The following PSD3 variants were observed in gnomAD, a reference collection of about 807,000 sequenced individuals.
PSD3 encodes the protein pleckstrin and Sec7 domain containing 3.
In PSD3, 49 loss-of-function variants were observed where a neutral mutation model predicts 105.5. That is an observed-to-expected ratio of 0.46 (90% CI 0.37 to 0.59). PSD3 has a LOEUF of 0.59. PSD3 is among the 20% of genes least tolerant of loss of function. The pLI is 0.00. For synonymous variants in PSD3, 557 were observed against 457.8 expected, an observed-to-expected ratio of 1.22 and a Z score of -2.77; for missense variants, 1,561 against 1,263.8, an observed-to-expected ratio of 1.24 and a Z score of -3.57.
At chr8:18,841,879 G>C (rs527851810) in intron 4 of PSD3, among the ~76,000 whole-genome samples, 3 of 152,102 alleles carry the variant, frequency 2.0e-5, no homozygotes, top group South Asian at 4.2e-4. Context: ...CTTCATTAAA[G>C]ACTTTAAAAA....
intron 10 of PSD3, among the ~76,000 whole-genome samples, chr8:18,635,443 A>G (rs1352172876): frequency 6.6e-6 from 1 of 152,174 alleles, no homozygotes; most frequent in Non-Finnish European, 1.5e-5. Context: ...ATTGTCTTGT[A>G]AAATTATAAT....
intron 2 of PSD3, among the ~76,000 whole-genome samples, chr8:18,892,591 G>C (rs993222927): frequency 6.7e-6 from 1 of 149,598 alleles, no homozygotes; most frequent in African/African-American, 2.5e-5. Flanking sequence ...AGTAGTCTGG[G>C]TATTTCCAGT....
intron 2 of PSD3, among the ~76,000 whole-genome samples, chr8:18,876,043 G>A (rs147231874): frequency 1.2e-4 from 18 of 152,240 alleles, no homozygotes; most frequent in Non-Finnish European, 2.2e-4. Context: ...AGGTTGTCAG[G>A]TGTACTCATG....
chr8:18,930,563 T>C (rs898030794), intron 2 of PSD3, among the ~76,000 whole-genome samples: 4 of 143,200 alleles, frequency 2.8e-5, no homozygotes, highest in East Asian at 2.1e-4. Flanking sequence ...TTAACTAACT[T>C]TTTCAATTTT....
intron 9 of PSD3, among the ~76,000 whole-genome samples, chr8:18,688,184 A>C (rs1408569887): frequency 6.6e-6 from 1 of 152,158 alleles, no homozygotes; most frequent in Non-Finnish European, 1.5e-5. Context: ...CCTGGACTCA[A>C]GTGATCCTCA....
At chr8:19,003,690 A>G (rs1446233045) in intron 1 of PSD3, among the ~76,000 whole-genome samples, 1 of 151,494 alleles carries the variant, frequency 6.6e-6, no homozygotes, top group Non-Finnish European at 1.5e-5. Flanking sequence ...TACAACTTGA[A>G]AATGTCTGTG....
At chr8:18,727,551 A>AACAC (rs56410753) in intron 9 of PSD3, among the ~76,000 whole-genome samples, 74,823 of 137,346 alleles carry the variant, frequency 0.54, 21,705 homozygotes, top group Non-Finnish European at 0.65. Context: ...AAAAAATCCA[A>AACAC]ACACACACAC....
chr8:18,870,556 G>T (rs1281337583), intron 3 of PSD3, among the ~76,000 whole-genome samples: 1 of 152,076 alleles, frequency 6.6e-6, no homozygotes. Flanking sequence ...GGGAGGGATG[G>T]CATTAGGAGA....
chr8:18,792,798 C>G (rs556434517), intron 8 of PSD3, among the ~76,000 whole-genome samples: 75 of 152,294 alleles, frequency 4.9e-4, no homozygotes, highest in African/African-American at 1.8e-3. Flanking sequence ...ACTAGAAATA[C>G]CATTTGACCC....
intron 15 of PSD3, among the ~76,000 whole-genome samples, chr8:18,553,874 G>A (rs946933118): frequency 2.0e-5 from 3 of 152,108 alleles, no homozygotes; most frequent in Non-Finnish European, 2.9e-5. Context: ...ACAGGTGAAG[G>A]AGCTTGACAG....
At chr8:18,693,817 T>C (rs894197638) in intron 9 of PSD3, among the ~76,000 whole-genome samples, 1 of 152,236 alleles carries the variant, frequency 6.6e-6, no homozygotes, top group South Asian at 2.1e-4. Context: ...CCTGATGACC[T>C]TTCAATAGAT....
chr8:18,719,048 A>C (rs1802780101), intron 9 of PSD3, among the ~76,000 whole-genome samples: 1 of 152,210 alleles, frequency 6.6e-6, no homozygotes, highest in Non-Finnish European at 1.5e-5. Flanking sequence ...GTTATCCTAG[A>C]TCAGGAGAAT....
rs1824951242 is a variant in PSD3, at chr8:18,976,528, A to C, written c.21+37035T>G. 2.0e-5 allele frequency among the ~76,000 whole-genome samples: 3 copies of C among 152,212 alleles called. No homozygotes were observed. The South Asian group carries it at 6.2e-4, about 32-fold the overall frequency. ...GGGAATATGTAGTTAGCAGTAGCCA[A>C]GTTCCAAAAGGGTCCAAATCACAGA... On this transcript the variant is annotated intron_variant, in intron 1 of 15. Transcript: ENST00000327040.
At chr8:19,055,651 G>A (rs1394655628) in intron 1 of PSD3, among the ~76,000 whole-genome samples, 2 of 152,208 alleles carry the variant, frequency 1.3e-5, no homozygotes, top group Admixed American at 1.3e-4. Context: ...ATAGGCAAAA[G>A]GTTTAGAAAG....
intron 1 of PSD3, among the ~76,000 whole-genome samples, chr8:18,964,366 C>T (rs2129471417): frequency 6.6e-6 from 1 of 152,266 alleles, no homozygotes; most frequent in East Asian, 1.9e-4. Context: ...TCGAGTGATC[C>T]TCCCACCTAG....
intron 4 of PSD3, chr8:18,808,713 T>C (rs757530171): frequency 1.2e-5 from 19 of 1,613,696 alleles, no homozygotes; most frequent in African/African-American, 4.0e-5. Context: ...TTGCTCCTTT[T>C]AAATCAGAAA....
chr8:18,983,056 TG>T (rs1825320989), intron 1 of PSD3, among the ~76,000 whole-genome samples: 1 of 152,250 alleles, frequency 6.6e-6, no homozygotes, highest in Non-Finnish European at 1.5e-5. Context: ...CAGTCATCAA[TG>T]GTCTTAGCTA....
intron 1 of PSD3, among the ~76,000 whole-genome samples, chr8:18,961,088 T>A (rs551298983): frequency 6.6e-6 from 1 of 150,612 alleles, no homozygotes; most frequent in East Asian, 2.0e-4. Flanking sequence ...TGAGACCCTG[T>A]CTCCAAAAAA....
At chr8:18,928,167 C>T (rs72500141) in intron 2 of PSD3, among the ~76,000 whole-genome samples, 6,260 of 152,208 alleles carry the variant, frequency 0.041, 310 homozygotes, top group East Asian at 0.17. Flanking sequence ...GTGTCAAGGG[C>T]GGCGCCAGGT....
Sources: allele counts gnomAD v4.1 joint callset (sites outside exome capture counted in the v4.1 genomes callset), GRCh38; gene constraint gnomAD v4.1.1; transcripts MANE v1.5; gene names NCBI Gene and HGNC (gene_info 2026-07-23, HGNC 2026-07-21).